Variants in LRCH3 observed in about 807,000 individuals in gnomAD.
LRCH3 encodes the protein DISP complex protein LRCH3.
LRCH3 carries 68 observed loss-of-function variants against 104.5 expected under a neutral mutation model. That is an observed-to-expected ratio of 0.65 (90% CI 0.54 to 0.80). LRCH3 has a LOEUF of 0.80. Among genes scored for constraint, LRCH3 ranks in the 30% least tolerant of loss-of-function variants. The pLI is 0.00. For missense variants in LRCH3, 951 were observed against 953.9 expected, an observed-to-expected ratio of 1.00 and a Z score of 0.04; for synonymous variants, 344 against 361.3, an observed-to-expected ratio of 0.95 and a Z score of 0.54.
intron 20 of LRCH3, chr3:197,880,470 C>G: frequency 6.9e-7 from 1 of 1,440,576 alleles, no homozygotes; most frequent in Non-Finnish European, 9.4e-7. Flanking sequence ...GATCCACTGA[C>G]TTTGTTTTTC....
intron 10 of LRCH3, among the ~76,000 whole-genome samples, chr3:197,845,616 G>A (rs1212967772): frequency 6.6e-6 from 1 of 151,920 alleles, no homozygotes; most frequent in Non-Finnish European, 1.5e-5. Context: ...TTAAAAAATT[G>A]AAAAGCGGCT....
intron 3 of LRCH3, 29 bp downstream of exon 3, chr3:197,817,331 T>TTTTGTGTGTGTGTGTGC (rs1553916504): frequency 2.5e-5 from 11 of 446,108 alleles, no homozygotes; most frequent in South Asian, 6.6e-5. Flanking sequence ...TTGTCCAACA[T>TTTTGTGTGTGTGTGTGC]GTGTGTGTGT....
chr3:197,880,578 C>T (rs748654782), intron 20 of LRCH3: 12 of 1,536,606 alleles, frequency 7.8e-6, no homozygotes, highest in Non-Finnish European at 9.6e-6. Flanking sequence ...TGTTGAAACG[C>T]TCCTTTCTCT....
chr3:197,865,223 A>G (rs1275746789), intron 15 of LRCH3, among the ~76,000 whole-genome samples, 200 bp from the exon 16 acceptor site: 1 of 152,152 alleles, frequency 6.6e-6, no homozygotes, highest in East Asian at 1.9e-4. Context: ...CCTGCTCTCA[A>G]GTAATCCTCG....
chr3:197,865,981 T>C (rs933758810), intron 16 of LRCH3, 131 bp from the exon 17 acceptor site: 1 of 675,504 alleles, frequency 1.5e-6, no homozygotes. Flanking sequence ...TGTACCAGAC[T>C]TTTCATCATT....
rs181372598 is a variant in LRCH3 at position 197,856,084 on chromosome 3, A to G, written c.1644+1639A>G. On this transcript the variant is annotated intron_variant, in intron 14 of 20. Transcript: ENST00000425562. The surrounding 1 kb of genome is among the most constrained non-coding windows in gnomAD (Gnocchi z 4.2). ...CTTCAAATATCATAAGCCCTTTCCCATCTCAGACCTTTGCAAATGCTGTTT... is the reference window on the plus strand; with the variant it reads ...CTTCAAATATCATAAGCCCTTTCCCGTCTCAGACCTTTGCAAATGCTGTTT... Among the ~76,000 whole-genome samples the G allele has an allele frequency of 6.6e-6, 1 of 152,106 alleles. No individual in the cohort carries two copies. Among genetic ancestry groups the G allele is most frequent in the East Asian group, 1.9e-4 (1 of 5,174 alleles).
At chr3:197,813,934 G>A (rs1391850474) in intron 1 of LRCH3, among the ~76,000 whole-genome samples, 4 of 152,084 alleles carry the variant, frequency 2.6e-5, no homozygotes, top group Non-Finnish European at 5.9e-5. Flanking sequence ...ATATTCTATC[G>A]TTCTTTTTTA....
chr3:197,831,191 A>G (rs1390305048), intron 7 of LRCH3: 1 of 206,564 alleles, frequency 4.8e-6, no homozygotes, highest in African/African-American at 2.3e-5. Flanking sequence ...AGATGGTGAG[A>G]AAACAAGTAG....
At chr3:197,825,848 A>C (rs1265016793) in intron 4 of LRCH3, among the ~76,000 whole-genome samples, 1 of 152,008 alleles carries the variant, frequency 6.6e-6, no homozygotes, top group East Asian at 1.9e-4. Flanking sequence ...AATAGTTCCA[A>C]CCATTCTTAT....
intron 1 of LRCH3, among the ~76,000 whole-genome samples, chr3:197,792,811 C>T (rs1730771797): frequency 6.6e-6 from 1 of 150,958 alleles, no homozygotes; most frequent in Non-Finnish European, 1.5e-5. Context: ...GCCACCACAC[C>T]CGGCTAATTT....
At chr3:197,826,760 A>G in intron 4 of LRCH3, 118 bp from the exon 5 acceptor site, 1 of 1,263,966 alleles carries the variant, frequency 7.9e-7, no homozygotes, top group Non-Finnish European at 1.1e-6. Flanking sequence ...CCAGTTAATC[A>G]CTAAAAGAGA....
In LRCH3 at chr3:197,875,686, TC is replaced by T. The variant is rs1401077667; in HGVS notation, c.2131-10del. 1 of 1,531,060 alleles carries T rather than the reference TC, an allele frequency of 6.5e-7. No homozygotes were observed. Among genetic ancestry groups the T allele is most frequent in the Non-Finnish European group, 8.7e-7 (1 of 1,143,998 alleles). 94.8% of individuals were successfully genotyped at this position (1,531,060 alleles called of 1,614,324 possible). A position where few individuals can be genotyped will look rare whatever the true frequency, so the allele number is the denominator to read the frequency against. On this transcript the variant is annotated splice_polypyrimidine_tract_variant and intron_variant, in intron 19 of 20. Transcript: ENST00000425562. Reference sequence around the variant, plus strand: ...ACTTCTCTAGTAACACATTTTCTTTTCCTCATTTCAGCCTAAATTAACAATG... The same window carrying T: ...ACTTCTCTAGTAACACATTTTCTTTTCTCATTTCAGCCTAAATTAACAATG...
At chr3:197,876,610 C>T (rs1174139284) in intron 20 of LRCH3, among the ~76,000 whole-genome samples, 1 of 152,150 alleles carries the variant, frequency 6.6e-6, no homozygotes, top group Admixed American at 6.5e-5. Context: ...GACTTGGTGC[C>T]ATGTGATACT....
intron 20 of LRCH3, among the ~76,000 whole-genome samples, chr3:197,878,202 T>A (rs1030466348): frequency 1.3e-5 from 2 of 152,210 alleles, no homozygotes; most frequent in African/African-American, 2.4e-5. Flanking sequence ...ACTTACCAGA[T>A]GTCAAAACCT....
At chr3:197,841,543 C>CT (rs1286495391) in intron 10 of LRCH3, among the ~76,000 whole-genome samples, 9 of 152,120 alleles carry the variant, frequency 5.9e-5, no homozygotes, top group African/African-American at 2.2e-4. Flanking sequence ...TCTGCAAAGC[C>CT]TTTTTTAAAT....
At chr3:197,873,583 A>C (rs1487305759) in intron 19 of LRCH3, among the ~76,000 whole-genome samples, 1 of 152,162 alleles carries the variant, frequency 6.6e-6, no homozygotes, top group African/African-American at 2.4e-5. Flanking sequence ...TCTCTACAAA[A>C]ATACTTAAAA....
intron 4 of LRCH3, among the ~76,000 whole-genome samples, chr3:197,821,199 A>C (rs940284245): frequency 6.6e-6 from 1 of 152,196 alleles, no homozygotes; most frequent in African/African-American, 2.4e-5. Context: ...GAGATGTTCA[A>C]ACAGAGGCTA....
chr3:197,879,444 A>G (rs1713317752), intron 20 of LRCH3, among the ~76,000 whole-genome samples: 1 of 151,392 alleles, frequency 6.6e-6, no homozygotes, highest in Admixed American at 6.6e-5. Flanking sequence ...CAGGAGATCG[A>G]GACCATCCTG....
At chr3:197,855,147 C>A (rs193217603) in intron 14 of LRCH3, among the ~76,000 whole-genome samples, 1 of 152,178 alleles carries the variant, frequency 6.6e-6, no homozygotes, top group Admixed American at 6.5e-5. Context: ...GCCTACAGTG[C>A]TAGTAACTGC....
Sources: gnomAD v4.1 joint callset for allele counts (sites outside exome capture counted in the v4.1 genomes callset) on GRCh38, gnomAD v4.1.1 for gene constraint, Gnocchi (gnomAD v3.1) non-coding constraint, MANE v1.5 for transcripts, NCBI Gene and HGNC (gene_info 2026-07-23, HGNC 2026-07-21) for gene names.